The following PGM2L1 variants were observed in gnomAD, a reference collection of about 807,000 sequenced individuals.
The protein encoded by PGM2L1 is glucose 1,6-bisphosphate synthase.
Under a neutral mutation model 73.4 loss-of-function variants are expected in PGM2L1, and 35 were observed. The ratio of observed to expected loss-of-function variants is 0.48; its 90% confidence interval spans 0.36 to 0.63. The LOEUF is 0.63. PGM2L1 is among the 30% of genes least tolerant of loss of function. The pLI is 0.00. For missense variants in PGM2L1, 570 were observed against 742.0 expected (o/e 0.77, Z 2.69); for synonymous variants, 225 against 253.8 (o/e 0.89, Z 1.08).
intron 5 of PGM2L1, among the ~76,000 whole-genome samples, chr11:74,361,728 G>A (rs1255418828): frequency 1.3e-5 from 2 of 152,206 alleles, no homozygotes; most frequent in African/African-American, 4.8e-5. Context: ...TGAAAACCAT[G>A]TCATGAGAAC....
chr11:74,371,168 T>A (rs1335096032), intron 3 of PGM2L1, among the ~76,000 whole-genome samples, 182 bp from the exon 4 acceptor site: 1 of 152,224 alleles, frequency 6.6e-6, no homozygotes, highest in Non-Finnish European at 1.5e-5. Flanking sequence ...TAAATAAGTT[T>A]TTTTAAAAGA....
chr11:74,371,574 T>G (rs1485313469), intron 3 of PGM2L1, 137 bp downstream of exon 3: 1 of 611,192 alleles, frequency 1.6e-6, no homozygotes, highest in Non-Finnish European at 2.8e-6. Context: ...TATTTCAGCT[T>G]TAAAGTAAAT....
chr11:74,343,491 A>G, intron 9 of PGM2L1, 75 bp from the exon 10 acceptor site: 1 of 1,562,818 alleles, frequency 6.4e-7, no homozygotes, highest in Non-Finnish European at 8.6e-7. Context: ...CTGCCACTAC[A>G]TGCACACAAC....
At chr11:74,387,104 A>G (rs1445625550) in intron 1 of PGM2L1, among the ~76,000 whole-genome samples, 1 of 152,218 alleles carries the variant, frequency 6.6e-6, no homozygotes, top group African/African-American at 2.4e-5. Flanking sequence ...ATCCTTATGT[A>G]AAACTTTTAT....
chr11:74,375,326 T>C (rs1207951216), intron 1 of PGM2L1, among the ~76,000 whole-genome samples: 1 of 152,216 alleles, frequency 6.6e-6, no homozygotes, highest in Non-Finnish European at 1.5e-5. Context: ...CTTATTTTCA[T>C]AAATCTCAAG....
Position 74,398,179 on chromosome 11 carries a change from ACGGGC to A in PGM2L1, c.-23_-19del, listed in dbSNP as rs1863210990. ...TCAGCCATGGCGACCAGACAGGCGT[ACGGGC>A]CGGGGGCCGGCGAAGACACTGAGTT... On this transcript the variant is annotated 5_prime_UTR_variant, in exon 1 of 14. Transcript: ENST00000298198. 3.7e-6 allele frequency: 6 copies of A among 1,602,076 alleles called. No individual in the cohort carries two copies. In the African/African-American group the frequency reaches 6.7e-5, roughly 18 times the overall value.
chr11:74,374,115 C>G (rs989250191), intron 2 of PGM2L1, among the ~76,000 whole-genome samples: 1 of 150,214 alleles, frequency 6.7e-6, no homozygotes, highest in Non-Finnish European at 1.5e-5. Flanking sequence ...GACAGAGTCT[C>G]GCTCTGTTGC....
chr11:74,385,663 T>C (rs543990057), intron 1 of PGM2L1, among the ~76,000 whole-genome samples: 2 of 152,278 alleles, frequency 1.3e-5, no homozygotes, highest in African/African-American at 4.8e-5. Flanking sequence ...ATTTAACGTA[T>C]ACTCAGACAA....
At chr11:74,355,387 T>C in intron 5 of PGM2L1, 1 of 571,074 alleles carries the variant, frequency 1.8e-6, no homozygotes, top group Admixed American at 2.7e-5. Flanking sequence ...ACCCCGTCTC[T>C]ACTAAAAATA....
At chr11:74,353,221 A>C (rs1197201152) in intron 5 of PGM2L1, among the ~76,000 whole-genome samples, 3 of 152,176 alleles carry the variant, frequency 2.0e-5, no homozygotes, top group Non-Finnish European at 4.4e-5. Context: ...TTAATATCCT[A>C]ACAGAAAGCA....
intron 5 of PGM2L1, among the ~76,000 whole-genome samples, chr11:74,364,206 G>A (rs1423873325): frequency 6.6e-6 from 1 of 152,108 alleles, no homozygotes; most frequent in African/African-American, 2.4e-5. Flanking sequence ...GTATTAATGG[G>A]ATGTATTTCG....
intron 5 of PGM2L1, among the ~76,000 whole-genome samples, chr11:74,360,067 C>T (rs1862531598): frequency 6.6e-6 from 1 of 151,918 alleles, no homozygotes; most frequent in Non-Finnish European, 1.5e-5. Flanking sequence ...TAGCAAGACC[C>T]TGTCTCTACT....
intron 5 of PGM2L1, 144 bp from the exon 6 acceptor site, chr11:74,351,720 T>G (rs1448574649): frequency 1.5e-6 from 1 of 654,232 alleles, no homozygotes; most frequent in African/African-American, 1.9e-5. Flanking sequence ...CTCAGCACTT[T>G]GGGAGGCTGA....
chr11:74,354,708 T>C, intron 5 of PGM2L1: 1 of 1,084,058 alleles, frequency 9.2e-7, no homozygotes, highest in East Asian at 2.3e-5. Flanking sequence ...CAAAGAGAGC[T>C]GTTTCAAGAG....
intron 1 of PGM2L1, among the ~76,000 whole-genome samples, chr11:74,389,264 A>C (rs1170503346): frequency 6.6e-6 from 1 of 152,138 alleles, no homozygotes; most frequent in East Asian, 1.9e-4. Flanking sequence ...TCTCTACAAA[A>C]CAAAACAAAA....
At chr11:74,366,922 C>T (rs774567428) in intron 5 of PGM2L1, among the ~76,000 whole-genome samples, 14 of 152,086 alleles carry the variant, frequency 9.2e-5, no homozygotes, top group Non-Finnish European at 1.9e-4. Flanking sequence ...GAATGGATTG[C>T]AGGGAGAACA....
chr11:74,364,772 GA>G (rs1295224408), intron 5 of PGM2L1, among the ~76,000 whole-genome samples: 7 of 152,134 alleles, frequency 4.6e-5, no homozygotes, highest in African/African-American at 1.7e-4. Context: ...TCAATATTGT[GA>G]AAATGGCCAT....
At chr11:74,395,550 T>C (rs1299268) in intron 1 of PGM2L1, among the ~76,000 whole-genome samples, 742 of 8,054 alleles carry the variant, frequency 0.092, 5 homozygotes, top group African/African-American at 0.14. Flanking sequence ...CTCGCCTGGC[T>C]TTTTTTTTTT....
At chr11:74,342,010 T>C (rs1239489078) in intron 12 of PGM2L1, among the ~76,000 whole-genome samples, 1 of 152,066 alleles carries the variant, frequency 6.6e-6, no homozygotes, top group Non-Finnish European at 1.5e-5. Context: ...TAGCATATAA[T>C]GAGCAGTGAG....
Sources: gnomAD v4.1 joint callset for allele counts (sites outside exome capture counted in the v4.1 genomes callset) on GRCh38, gnomAD v4.1.1 for gene constraint, MANE v1.5 for transcripts, NCBI Gene and HGNC (gene_info 2026-07-23, HGNC 2026-07-21) for gene names.